The following TLN2 variants were observed in gnomAD, a reference collection of about 807,000 sequenced individuals.
TLN2 encodes the protein talin-2.
A neutral mutation model predicts 294.7 loss-of-function variants in TLN2; 118 were observed. The observed-to-expected ratio is 0.40, with a 90% CI of 0.34 to 0.47. The LOEUF (loss-of-function observed/expected upper bound fraction) is 0.47. Ranked by LOEUF, TLN2 falls within the 20% of genes least tolerant of loss-of-function variation. TLN2 has a pLI of 0.84. For synonymous variants in TLN2, 1,431 were observed against 1,304.5 expected (o/e 1.10, Z -2.09); for missense variants, 3,083 against 3,282.2 (o/e 0.94, Z 1.48).
chr15:62,733,667 A>G (rs1414246402), intron 28 of TLN2, among the ~76,000 whole-genome samples: 1 of 152,244 alleles, frequency 6.6e-6, no homozygotes, highest in Non-Finnish European at 1.5e-5. Context: ...GAAGAATAGC[A>G]ACCATTATGT....
intron 54 of TLN2, chr15:62,828,700 G>A (rs56803705): frequency 0.21 from 32,675 of 152,228 alleles, 4,505 homozygotes; most frequent in African/African-American, 0.4. Flanking sequence ...TGCTAATGAT[G>A]TGGATGCTTA....
chr15:62,640,813 T>C (rs1349188871), intron 3 of TLN2, among the ~76,000 whole-genome samples: 1 of 152,110 alleles, frequency 6.6e-6, no homozygotes, highest in African/African-American at 2.4e-5. Context: ...TATTTATTTA[T>C]TTTTTTGAGA....
chr15:62,568,582 A>G (rs916082497), intron 1 of TLN2, among the ~76,000 whole-genome samples: 2 of 152,140 alleles, frequency 1.3e-5, no homozygotes, highest in Admixed American at 6.5e-5. Flanking sequence ...GGAGATGGAT[A>G]ATGACAGCCA....
intron 1 of TLN2, among the ~76,000 whole-genome samples, chr15:62,452,191 C>T (rs905795608): frequency 2.6e-5 from 4 of 152,092 alleles, no homozygotes; most frequent in African/African-American, 9.7e-5. Context: ...CTGCAGGGAG[C>T]CCTGAGGCCT....
At position 62,391,591 on chromosome 15, in the gene TLN2, G is replaced by C. The variant is rs1045304444; in HGVS notation, c.-238+906G>C. On this transcript the variant is annotated intron_variant, in intron 1 of 58. Transcript: ENST00000636159. ...GAGCAGTTTCTGGGTCCCGGGGAGA[G>C]CCCCGCGCCCCAGTCGGAGAGGCCT... Among the ~76,000 whole-genome samples, 40 of 151,458 alleles carry C rather than the reference G, an allele frequency of 2.6e-4. 1 individual carries two copies. Among genetic ancestry groups the C allele is most frequent in the Admixed American group, 2.2e-3 (34 of 15,224 alleles).
chr15:62,772,137 T>C (rs912686701), intron 42 of TLN2, among the ~76,000 whole-genome samples: 2 of 152,090 alleles, frequency 1.3e-5, no homozygotes, highest in African/African-American at 4.8e-5. Flanking sequence ...ATAAGTTAAT[T>C]AGAGGTGGGG....
intron 1 of TLN2, among the ~76,000 whole-genome samples, chr15:62,502,999 C>T (rs1312795413): frequency 8.8e-4 from 134 of 152,164 alleles, no homozygotes; most frequent in Non-Finnish European, 1.8e-4. Flanking sequence ...TTTTCAAATA[C>T]TGCTTTATTA....
intron 1 of TLN2, among the ~76,000 whole-genome samples, chr15:62,452,009 T>G (rs1013440758): frequency 2.0e-5 from 3 of 152,184 alleles, no homozygotes; most frequent in African/African-American, 7.2e-5. Flanking sequence ...TGATTGTAAC[T>G]GCAGAGACCA....
chr15:62,653,003 C>T (rs1243787423), intron 6 of TLN2, among the ~76,000 whole-genome samples, 159 bp from the exon 7 acceptor site: 2 of 152,144 alleles, frequency 1.3e-5, no homozygotes, highest in African/African-American at 2.4e-5. Flanking sequence ...GAAGCTTCTT[C>T]ATTTAATTTG....
At chr15:62,652,987 C>G (rs1358665044) in intron 6 of TLN2, among the ~76,000 whole-genome samples, 175 bp from the exon 7 acceptor site, 1 of 152,144 alleles carries the variant, frequency 6.6e-6, no homozygotes, top group Non-Finnish European at 1.5e-5. Context: ...TATGACTTAA[C>G]TAGCTGAAGC....
intron 23 of TLN2, 49 bp downstream of exon 23, chr15:62,716,508 A>T: frequency 6.4e-7 from 1 of 1,550,992 alleles, no homozygotes; most frequent in East Asian, 2.3e-5. Context: ...AATTGCAAAG[A>T]GTTATTTGAA....
At chr15:62,740,842 TCCTC>T in intron 32 of TLN2, 73 bp downstream of exon 32, 1 of 1,586,578 alleles carries the variant, frequency 6.3e-7, no homozygotes, top group East Asian at 2.2e-5. Context: ...GTGCCTGACA[TCCTC>T]CCACTTTTGC....
At chr15:62,727,040 A>G in intron 27 of TLN2, 47 bp from the exon 28 acceptor site, 2 of 1,584,390 alleles carry the variant, frequency 1.3e-6, no homozygotes, top group Non-Finnish European at 1.7e-6. Flanking sequence ...ACCTCAGCAG[A>G]TGTTCCTTTT....
chr15:62,704,850 A>G (rs933413923), intron 19 of TLN2, among the ~76,000 whole-genome samples: 4 of 152,190 alleles, frequency 2.6e-5, no homozygotes, highest in Admixed American at 2.6e-4. Context: ...AGGGCAGGTA[A>G]TTATTTGTAG....
At chr15:62,497,726 A>C (rs1405509189) in intron 1 of TLN2, among the ~76,000 whole-genome samples, 1 of 152,198 alleles carries the variant, frequency 6.6e-6, no homozygotes, top group Non-Finnish European at 1.5e-5. Context: ...GTTTTAGTAG[A>C]ACTTTAAGCA....
intron 23 of TLN2, 88 bp from the exon 24 acceptor site, chr15:62,717,488 C>A: frequency 1.1e-6 from 1 of 874,946 alleles, no homozygotes; most frequent in Non-Finnish European, 1.6e-6. Context: ...AGCCACAAAC[C>A]TGTCCTGACT....
chr15:62,412,609 G>A (rs536595161), intron 1 of TLN2, among the ~76,000 whole-genome samples: 2 of 152,296 alleles, frequency 1.3e-5, no homozygotes, highest in African/African-American at 4.8e-5. Flanking sequence ...ACATTCAAAT[G>A]TAAGAGTCAG....
chr15:62,680,415 T>C (rs575795194), intron 11 of TLN2, among the ~76,000 whole-genome samples: 9 of 152,284 alleles, frequency 5.9e-5, no homozygotes, highest in African/African-American at 2.2e-4. Context: ...AGGTTTATTG[T>C]TAAATTGATT....
At chr15:62,527,647 G>C (rs2040813441) in intron 1 of TLN2, among the ~76,000 whole-genome samples, 1 of 152,200 alleles carries the variant, frequency 6.6e-6, no homozygotes, top group Non-Finnish European at 1.5e-5. Flanking sequence ...GACCCTGTTT[G>C]ACAGATTTTA....
Sources: allele counts gnomAD v4.1 joint callset (sites outside exome capture counted in the v4.1 genomes callset), GRCh38; gene constraint gnomAD v4.1.1; transcripts MANE v1.5; gene names NCBI Gene and HGNC (gene_info 2026-07-23, HGNC 2026-07-21).